Variants in BBS9 observed in about 807,000 individuals in gnomAD.
The protein encoded by BBS9 is Bardet-Biedl syndrome 9.
A neutral mutation model predicts 117.7 loss-of-function variants in BBS9; 89 were observed. The ratio of observed to expected loss-of-function variants is 0.76; its 90% CI spans 0.64 to 0.90. The LOEUF (loss-of-function observed/expected upper bound fraction) is 0.90. BBS9 is among the 40% of genes least tolerant of loss of function. BBS9 has a pLI of 0.00. For missense variants in BBS9, 982 were observed against 1,042.2 expected (o/e 0.94, Z 0.80); for synonymous variants, 379 against 370.9 (o/e 1.02, Z -0.25).
chr7:33,138,931 G>A (rs560062679), intron 1 of BBS9, among the ~76,000 whole-genome samples: 2 of 151,202 alleles, frequency 1.3e-5, no homozygotes, highest in Non-Finnish European at 2.9e-5. Flanking sequence ...GTCAGTACAA[G>A]TAGATTTCTA....
At chr7:33,392,459 G>T (rs1388866339) in intron 19 of BBS9, among the ~76,000 whole-genome samples, 1 of 152,124 alleles carries the variant, frequency 6.6e-6, no homozygotes, top group Non-Finnish European at 1.5e-5. Context: ...GGCTGGGCTT[G>T]TTCACATGGT....
chr7:33,498,421 TGTGCCACAATTACCATA>T (rs1845024085), intron 19 of BBS9, among the ~76,000 whole-genome samples: 1 of 152,154 alleles, frequency 6.6e-6, no homozygotes, highest in East Asian at 1.9e-4. Flanking sequence ...TTCACAGGAT[TGTGCCACAATTACCATA>T]GTCTAATTTT....
intron 19 of BBS9, among the ~76,000 whole-genome samples, chr7:33,442,433 T>C (rs186318149): frequency 2.0e-4 from 31 of 152,342 alleles, no homozygotes; most frequent in Admixed American, 2.0e-3. Context: ...TAAAAATAAA[T>C]GTTCTCAAGA....
At chr7:33,577,420 G>T (rs2129150807) in intron 21 of BBS9, among the ~76,000 whole-genome samples, 1 of 152,342 alleles carries the variant, frequency 6.6e-6, no homozygotes, top group African/African-American at 2.4e-5. Context: ...TGGAGAGGAT[G>T]TAGAGAAATA....
rs190195783 is a variant in BBS9, at chr7:33,557,740, T to C, written c.2521+23564T>C. On this transcript the variant is annotated intron_variant, in intron 21 of 22. Coordinates refer to ENST00000242067, the MANE Select transcript of BBS9 (RefSeq NM_198428.3). ...ATAATGCTGCAGTCTGCTTCCAGAC[T>C]CTTTTCCAACGATCCTGCAGTTGGC... Among the ~76,000 whole-genome samples the C allele has an allele frequency of 3.0e-3, 458 of 152,384 alleles. 1 individual carries two copies. Among genetic ancestry groups the C allele is most frequent in the Non-Finnish European group, 5.3e-3 (363 of 68,040 alleles).
intron 19 of BBS9, among the ~76,000 whole-genome samples, chr7:33,477,182 A>G (rs975056212): frequency 6.6e-6 from 1 of 152,210 alleles, no homozygotes; most frequent in African/African-American, 2.4e-5. Flanking sequence ...TTAAGGGAAT[A>G]ATACACTAAA....
chr7:33,363,684 AT>A (rs754006835), intron 16 of BBS9, among the ~76,000 whole-genome samples: 3,383 of 138,816 alleles, frequency 0.024, 55 homozygotes, highest in African/African-American at 0.051. Flanking sequence ...TATTTTTTAG[AT>A]TTTTTTTTTT....
intron 9 of BBS9, among the ~76,000 whole-genome samples, chr7:33,313,817 G>T: frequency 6.6e-6 from 1 of 152,130 alleles, no homozygotes; most frequent in Non-Finnish European, 1.5e-5. Flanking sequence ...ACAACTGAAA[G>T]CCATTTACAT....
chr7:33,322,818 C>A (rs1036920270), intron 9 of BBS9, among the ~76,000 whole-genome samples: 1 of 151,934 alleles, frequency 6.6e-6, no homozygotes, highest in Non-Finnish European at 1.5e-5. Context: ...CTTTAAGATG[C>A]ATCATTAGGT....
intron 9 of BBS9, among the ~76,000 whole-genome samples, chr7:33,320,282 A>G (rs1296195753): frequency 6.6e-6 from 1 of 152,042 alleles, no homozygotes; most frequent in Non-Finnish European, 1.5e-5. Flanking sequence ...TCTACTCTTT[A>G]TCTTCATGAA....
At chr7:33,152,908 G>T in intron 3 of BBS9, 57 bp downstream of exon 3, 1 of 1,553,306 alleles carries the variant, frequency 6.4e-7, no homozygotes, top group African/African-American at 1.4e-5. Flanking sequence ...CCTTTACAGT[G>T]TCACTTTTGT....
chr7:33,617,495 C>T (rs1177007876), intron 21 of BBS9, among the ~76,000 whole-genome samples: 1 of 152,084 alleles, frequency 6.6e-6, no homozygotes, highest in Non-Finnish European at 1.5e-5. Context: ...CACAGATAAT[C>T]AGGGAAACTT....
At chr7:33,173,450 A>G (rs1382361412) in intron 4 of BBS9, among the ~76,000 whole-genome samples, 1 of 151,720 alleles carries the variant, frequency 6.6e-6, no homozygotes, top group Non-Finnish European at 1.5e-5. Context: ...GCGTGGTGGC[A>G]GGTCCCAGCT....
intron 19 of BBS9, among the ~76,000 whole-genome samples, chr7:33,389,353 T>C (rs1312975273): frequency 6.6e-6 from 1 of 152,130 alleles, no homozygotes; most frequent in African/African-American, 2.4e-5. Context: ...GACAGAAAAA[T>C]AGCTTACTAT....
chr7:33,509,958 T>C (rs146625168), intron 20 of BBS9, among the ~76,000 whole-genome samples: 76 of 152,326 alleles, frequency 5.0e-4, no homozygotes, highest in Non-Finnish European at 2.2e-4. Context: ...CTCAATACTA[T>C]TTTGGGGCAA....
chr7:33,633,396 A>T (rs1337851017), intron 21 of BBS9, among the ~76,000 whole-genome samples: 1 of 152,112 alleles, frequency 6.6e-6, no homozygotes, highest in Non-Finnish European at 1.5e-5. Flanking sequence ...TACATATTGG[A>T]ACTATTTCTT....
intron 12 of BBS9, among the ~76,000 whole-genome samples, chr7:33,346,970 A>C (rs1252181530): frequency 6.6e-6 from 1 of 152,126 alleles, no homozygotes; most frequent in Non-Finnish European, 1.5e-5. Context: ...TTAAACTGTA[A>C]AATAGGGATA....
At chr7:33,233,476 T>G (rs532830139) in intron 5 of BBS9, among the ~76,000 whole-genome samples, 4 of 152,164 alleles carry the variant, frequency 2.6e-5, no homozygotes, top group Non-Finnish European at 5.9e-5. Flanking sequence ...ATAGCTGATT[T>G]TATTTTGTGT....
chr7:33,155,899 A>G (rs1214390742), intron 4 of BBS9, among the ~76,000 whole-genome samples, 197 bp downstream of exon 4: 8 of 151,948 alleles, frequency 5.3e-5, no homozygotes, highest in Non-Finnish European at 1.0e-4. Flanking sequence ...ATGGTCTACT[A>G]TTTCTGTGTA....
Sources: allele counts gnomAD v4.1 joint callset (sites outside exome capture counted in the v4.1 genomes callset), GRCh38; gene constraint gnomAD v4.1.1; transcripts MANE v1.5; gene names NCBI Gene and HGNC (gene_info 2026-07-23, HGNC 2026-07-21).